MALRD1: variants seen among roughly 807,000 people sequenced by gnomAD.
MALRD1 encodes MAM and LDL receptor class A domain containing 1.
A neutral mutation model predicts 242.1 loss-of-function variants in MALRD1; 247 were observed. That is an observed-to-expected ratio of 1.02 (90% CI 0.92 to 1.13). The LOEUF (loss-of-function observed/expected upper bound fraction) is 1.13. Ranked by LOEUF, MALRD1 falls within the 50% of genes most tolerant of loss-of-function variation. The pLI, the probability that MALRD1 is intolerant of heterozygous loss-of-function variation, is 0.00. For synonymous variants in MALRD1, 995 were observed against 866.6 expected (o/e 1.15, Z -2.60); for missense variants, 2,989 against 2,533.1 (o/e 1.18, Z -3.86).
At chr10:19,503,679 A>T (rs1589165238) in intron 31 of MALRD1, among the ~76,000 whole-genome samples, 2 of 152,298 alleles carry the variant, frequency 1.3e-5, no homozygotes, top group South Asian at 4.1e-4. Flanking sequence ...GGCCATCTCC[A>T]CAATTAGACT....
At chr10:19,713,607 C>A (rs1401389553) in intron 38 of MALRD1, among the ~76,000 whole-genome samples, 2 of 152,144 alleles carry the variant, frequency 1.3e-5, no homozygotes, top group African/African-American at 4.8e-5. Flanking sequence ...AGGGCAATCA[C>A]AAAGACAGCA....
chr10:19,078,931 AG>A (rs1835400389), intron 2 of MALRD1, among the ~76,000 whole-genome samples: 2 of 151,376 alleles, frequency 1.3e-5, no homozygotes, highest in South Asian at 4.2e-4. Context: ...TCTAGTGAAA[AG>A]TTTGTCAGTT....
chr10:19,689,804 C>G (rs1353142396), intron 36 of MALRD1, among the ~76,000 whole-genome samples: 1 of 151,898 alleles, frequency 6.6e-6, no homozygotes, highest in African/African-American at 2.4e-5. Flanking sequence ...AATTGTTATG[C>G]AGGAGGGGAT....
Position 19,087,948 on chromosome 10 carries a change from C to G in MALRD1, c.435+14C>G, listed in dbSNP as rs1264276919. ...CATGACTGCCAGGTATTTGAAAGCACACAGCATTTTAAATATTTTGTCACA... is the reference window on the plus strand; with the variant it reads ...CATGACTGCCAGGTATTTGAAAGCAGACAGCATTTTAAATATTTTGTCACA... On this transcript the variant is annotated intron_variant, in intron 3 of 39. Coordinates refer to ENST00000454679, the MANE Select transcript of MALRD1 (RefSeq NM_001142308.3). The G allele has an allele frequency of 1.6e-6, 2 of 1,231,322 alleles. No individual in the cohort carries two copies. The highest frequency in any genetic ancestry group is 2.0e-6 in the Non-Finnish European group (2 of 986,032). 76.3% of individuals were successfully genotyped at this position (1,231,322 alleles called of 1,614,324 possible).
intron 21 of MALRD1, among the ~76,000 whole-genome samples, chr10:19,302,112 T>C (rs910939420): frequency 6.6e-6 from 1 of 151,720 alleles, no homozygotes; most frequent in African/African-American, 2.4e-5. Context: ...AATTAGACAA[T>C]AACAGGTGTT....
chr10:19,689,570 G>A (rs1360452762), intron 36 of MALRD1, among the ~76,000 whole-genome samples: 2 of 151,988 alleles, frequency 1.3e-5, no homozygotes, highest in Non-Finnish European at 2.9e-5. Flanking sequence ...ATTTTTAAAA[G>A]CAAAGAAAGA....
intron 33 of MALRD1, among the ~76,000 whole-genome samples, chr10:19,573,499 G>A (rs891286950): frequency 6.6e-6 from 1 of 152,140 alleles, no homozygotes; most frequent in Non-Finnish European, 1.5e-5. Flanking sequence ...CTTTAGGCAG[G>A]AAAAGCAGGG....
At chr10:19,291,058 C>G (rs1841398175) in intron 21 of MALRD1, among the ~76,000 whole-genome samples, 1 of 152,110 alleles carries the variant, frequency 6.6e-6, no homozygotes, top group Admixed American at 6.6e-5. Flanking sequence ...ATTTTTATTG[C>G]TGGAATCTAG....
intron 24 of MALRD1, among the ~76,000 whole-genome samples, chr10:19,334,730 T>G (rs1480219841): frequency 3.9e-5 from 6 of 152,142 alleles, no homozygotes; most frequent in Non-Finnish European, 8.8e-5. Context: ...CTTTACCTTA[T>G]GAATATTTTC....
intron 11 of MALRD1, among the ~76,000 whole-genome samples, chr10:19,152,352 CA>C (rs1429656563): frequency 5.3e-5 from 8 of 152,162 alleles, no homozygotes; most frequent in African/African-American, 1.9e-4. Context: ...AATTTTAACA[CA>C]ATATTGTCAA....
At chr10:19,269,802 A>T (rs1434106414) in intron 19 of MALRD1, among the ~76,000 whole-genome samples, 1 of 152,248 alleles carries the variant, frequency 6.6e-6, no homozygotes, top group Non-Finnish European at 1.5e-5. Context: ...AGTAATGAGA[A>T]TAGGACTAAG....
intron 12 of MALRD1, among the ~76,000 whole-genome samples, chr10:19,160,074 A>T (rs985702142): frequency 6.6e-6 from 1 of 152,180 alleles, no homozygotes; most frequent in Non-Finnish European, 1.5e-5. Flanking sequence ...CTATATATAA[A>T]ATCTGCCTTA....
At chr10:19,197,392 G>A (rs1836313326) in intron 14 of MALRD1, among the ~76,000 whole-genome samples, 1 of 152,092 alleles carries the variant, frequency 6.6e-6, no homozygotes, top group Non-Finnish European at 1.5e-5. Flanking sequence ...GTCAGATGTT[G>A]TCACATCTCT....
chr10:19,537,804 G>A (rs1174259904), intron 32 of MALRD1, among the ~76,000 whole-genome samples: 1 of 152,060 alleles, frequency 6.6e-6, no homozygotes, highest in Non-Finnish European at 1.5e-5. Context: ...TGTCCCTCCT[G>A]TAGGCCCTAC....
intron 28 of MALRD1, among the ~76,000 whole-genome samples, chr10:19,394,436 A>G (rs1846487321): frequency 6.6e-6 from 1 of 152,192 alleles, no homozygotes; most frequent in Admixed American, 6.5e-5. Context: ...TAATAGGGAA[A>G]TAAATATTTT....
chr10:19,352,795 A>T (rs1304934553), intron 26 of MALRD1, among the ~76,000 whole-genome samples: 1 of 152,156 alleles, frequency 6.6e-6, no homozygotes, highest in Non-Finnish European at 1.5e-5. Flanking sequence ...ATAACTTTTG[A>T]TAATTTGTTG....
At chr10:19,707,872 G>A (rs1307803924) in intron 38 of MALRD1, among the ~76,000 whole-genome samples, 5 of 120,358 alleles carry the variant, frequency 4.2e-5, no homozygotes, top group African/African-American at 7.9e-5. Context: ...CAGGAGAATC[G>A]CTTGAACCCA....
At chr10:19,090,083 T>C (rs1362918607) in intron 4 of MALRD1, among the ~76,000 whole-genome samples, 1 of 75,586 alleles carries the variant, frequency 1.3e-5, no homozygotes, top group African/African-American at 7.4e-5. Context: ...TCTTTTTTGG[T>C]TCCATATGAA....
chr10:19,507,534 C>G (rs1282401394), intron 31 of MALRD1, among the ~76,000 whole-genome samples: 1 of 151,936 alleles, frequency 6.6e-6, no homozygotes, highest in Non-Finnish European at 1.5e-5. Context: ...AATAATATCT[C>G]TTCACTAGGT....
Sources: gnomAD v4.1 joint callset for allele counts (sites outside exome capture counted in the v4.1 genomes callset) on GRCh38, gnomAD v4.1.1 for gene constraint, MANE v1.5 for transcripts, NCBI Gene and HGNC (gene_info 2026-07-23, HGNC 2026-07-21) for gene names.